The following USP39 variants were observed in gnomAD, a reference collection of about 807,000 sequenced individuals.
The protein encoded by USP39 is ubiquitin carboxyl-terminal hydrolase 39.
Under a neutral mutation model 66.4 loss-of-function variants are expected in USP39, and 38 were observed. The ratio of observed to expected loss-of-function variants is 0.57; its 90% confidence interval spans 0.44 to 0.75. USP39 has a LOEUF of 0.75. Among genes scored for constraint, USP39 ranks in the 30% least tolerant of loss-of-function variants. The probability of loss-of-function intolerance (pLI) is 0.00; values close to 1 mark genes in which losing one functional copy is unlikely to be tolerated. For missense variants in USP39, 608 were observed against 714.4 expected, an observed-to-expected ratio of 0.85 and a Z score of 1.70; for synonymous variants, 303 against 274.6, an observed-to-expected ratio of 1.10 and a Z score of -1.02.
intron 9 of USP39, among the ~76,000 whole-genome samples, chr2:85,640,481 G>A (rs1439409757): frequency 6.6e-6 from 1 of 150,868 alleles, no homozygotes; most frequent in Non-Finnish European, 1.5e-5. Flanking sequence ...TAGAGATGCG[G>A]TTTCACCCTG....
rs774725492 is a variant in USP39 at position 85,645,116 on chromosome 2, G to T, written c.1563+33G>T. ...GCTGCTGACCGTCTCATGGCACAGA[G>T]TGGCAAAAACAGGTGTTTCTTTGGC... is the stretch of plus-strand genomic sequence containing the variant. On this transcript the variant is annotated intron_variant, in intron 11 of 12. Transcript: ENST00000323701. 4.3e-6 allele frequency: 7 copies of T among 1,613,264 alleles called. No individual in the cohort carries two copies. In the South Asian group the frequency reaches 7.7e-5, roughly 18 times the overall value.
rs200471635 is a variant in USP39 at position 85,648,023 on chromosome 2, T to G, written c.1650+7T>G. 3 of 1,614,044 alleles carry G rather than the reference T, an allele frequency of 1.9e-6. No individual in the cohort carries two copies. The highest frequency in any genetic ancestry group is 1.7e-5 in the Admixed American group (1 of 60,004). ...GTCAGAGGCTTACATTCAGGTGGGT[T>G]GGCCACAGGCTTAGTGAGCCACAAA... On this transcript the variant is annotated splice_region_variant and intron_variant, in intron 12 of 12. Transcript: ENST00000323701.
chr2:85,621,641 A>C, intron 3 of USP39, 62 bp downstream of exon 3: 1 of 1,193,232 alleles, frequency 8.4e-7, no homozygotes, highest in Non-Finnish European at 1.2e-6. Context: ...TTTTTTTTTA[A>C]AGAAAGTAAG....
chr2:85,629,886 C>T (rs935648052), intron 5 of USP39, among the ~76,000 whole-genome samples: 16 of 151,574 alleles, frequency 1.1e-4, no homozygotes, highest in Admixed American at 6.6e-4. Context: ...TGCTTGAACC[C>T]TGGAGGCAGA....
upstream of USP39, chr2:85,609,410 C>A: frequency 6.2e-7 from 1 of 1,611,360 alleles, no homozygotes; most frequent in Non-Finnish European, 8.5e-7. Flanking sequence ...GACCTTCAGG[C>A]TGCAGCTGTT....
At chr2:85,643,307 G>A (rs906129839) in intron 10 of USP39, among the ~76,000 whole-genome samples, 15 of 151,874 alleles carry the variant, frequency 9.9e-5, no homozygotes, top group African/African-American at 2.2e-4. Flanking sequence ...TGGCTAACAC[G>A]GTGAAACCCC....
chr2:85,611,259 G>T, upstream of USP39: 1 of 1,377,690 alleles, frequency 7.3e-7, no homozygotes, highest in Non-Finnish European at 9.3e-7. Flanking sequence ...AAAATTGACC[G>T]TCATATATTA....
chr2:85,648,866 A>G lies in USP39; in HGVS notation c.*58A>G. The G allele has an allele frequency of 1.2e-6, 2 of 1,601,790 alleles. No individual in the cohort carries two copies. The highest frequency in any genetic ancestry group is 1.7e-6 in the Non-Finnish European group (2 of 1,170,532). On this transcript the variant is annotated 3_prime_UTR_variant, in exon 13 of 13. Coordinates refer to ENST00000323701, the MANE Select transcript of USP39 (RefSeq NM_006590.4). ...GTGGCTGATGATGGTAAATAAGAACACAGAAGCTGTAGCTGAACACAGGCT... is the reference window on the plus strand; with the variant it reads ...GTGGCTGATGATGGTAAATAAGAACGCAGAAGCTGTAGCTGAACACAGGCT...
chr2:85,648,099 A>G lies in USP39; in HGVS notation c.1650+83A>G. The G allele has an allele frequency of 2.7e-6, 4 of 1,478,352 alleles. No individual in the cohort carries two copies. The South Asian group carries it at 4.6e-5, about 17-fold the overall frequency. 91.6% of individuals were successfully genotyped at this position (1,478,352 alleles called of 1,614,324 possible). On this transcript the variant is annotated intron_variant, in intron 12 of 12. Coordinates refer to ENST00000323701, the MANE Select transcript of USP39 (RefSeq NM_006590.4). ...GGAGTGGGCCAAGGCAGGAAGAGGGATAGAGTTAGGACCTTGGTTGGAGGG... is the reference window on the plus strand; with the variant it reads ...GGAGTGGGCCAAGGCAGGAAGAGGGGTAGAGTTAGGACCTTGGTTGGAGGG...
Position 85,623,627 on chromosome 2 carries a change from T to C in USP39, c.434-19T>C. 1 of 1,609,178 alleles carries C rather than the reference T, an allele frequency of 6.2e-7. No individual in the cohort carries two copies. Among genetic ancestry groups the C allele is most frequent in the South Asian group, 1.1e-5 (1 of 90,240 alleles). Reference sequence around the variant, plus strand: ...CTAGTATCTGCCCTTCTATTACAGCTTTTCACCCTTCCCTACAGGCCGGGG... The same window carrying C: ...CTAGTATCTGCCCTTCTATTACAGCCTTTCACCCTTCCCTACAGGCCGGGG... On this transcript the variant is annotated intron_variant, in intron 3 of 12. Transcript: ENST00000323701.
At chr2:85,609,528 A>G (rs754586751), upstream of USP39, 3 of 1,614,158 alleles carry the variant, frequency 1.9e-6, no homozygotes, top group East Asian at 6.7e-5. Flanking sequence ...CAGAGCCTCC[A>G]CTACTGCTGC....
intron 10 of USP39, 146 bp from the exon 11 acceptor site, chr2:85,644,802 C>G: frequency 2.0e-6 from 2 of 1,007,062 alleles, no homozygotes; most frequent in Non-Finnish European, 2.8e-6. Context: ...TTCCAACGCA[C>G]CTGGACCTTC....
chr2:85,604,075 T>C (rs982662626), intron 1 of USP39, among the ~76,000 whole-genome samples: 2 of 152,084 alleles, frequency 1.3e-5, no homozygotes, highest in Non-Finnish European at 2.9e-5. Flanking sequence ...GCAACACTGG[T>C]GAGGCAAAGG....
upstream of USP39, chr2:85,611,477 G>A: frequency 6.5e-7 from 1 of 1,548,972 alleles, no homozygotes; most frequent in Non-Finnish European, 8.7e-7. Flanking sequence ...GCTTAACTGG[G>A]GGCTTATGAG....
At chr2:85,616,584 A>G (rs1673983180) in intron 1 of USP39, 121 bp downstream of exon 1, 2 of 1,370,938 alleles carry the variant, frequency 1.5e-6, no homozygotes, top group Non-Finnish European at 9.5e-7. Flanking sequence ...GTTGGGGTGG[A>G]GAAGAGGAGG....
intron 6 of USP39, 103 bp from the exon 7 acceptor site, chr2:85,635,950 C>T: frequency 9.3e-7 from 1 of 1,075,870 alleles, no homozygotes; most frequent in Non-Finnish European, 1.4e-6. Flanking sequence ...GATGGCATGG[C>T]CAGAGAGGAA....
intron 2 of USP39, 105 bp downstream of exon 2, chr2:85,619,394 T>G: frequency 1.7e-6 from 2 of 1,182,614 alleles, no homozygotes; most frequent in South Asian, 2.7e-5. Flanking sequence ...TTACTTTTTT[T>G]GAACCTGTCT....
Position 85,625,563 on chromosome 2 carries a change from A to G in USP39, c.595A>G (p.Lys199Glu). 1 of 1,614,088 alleles carries G rather than the reference A, an allele frequency of 6.2e-7. No homozygotes were observed. Among genetic ancestry groups the G allele is most frequent in the Non-Finnish European group, 8.5e-7 (1 of 1,179,948 alleles). The change falls in exon 5 of 13, where the codon AAG becomes GAG. Residue 199 changes from lysine (K) to glutamate (E), a missense_variant. Physicochemically the swap from Lys to Glu is moderately conservative, Grantham distance 56 (BLOSUM62 1). Transcript: ENST00000323701. ...ITYVLKPTFT[K>E]QQIANLDKQA... is the part of the protein sequence containing the mutation. ...GTATGTGTTGAAGCCCACTTTCACA[A>G]AGCAGCAAATTGCAAACTTGGACAA...
At chr2:85,616,914 TCTCCTGA>T (rs1674024726) in intron 1 of USP39, among the ~76,000 whole-genome samples, 1 of 151,794 alleles carries the variant, frequency 6.6e-6, no homozygotes, top group Non-Finnish European at 1.5e-5. Context: ...ATGGTCTCGA[TCTCCTGA>T]CTTCGTGATC....
Sources: gnomAD v4.1 joint callset for allele counts (sites outside exome capture counted in the v4.1 genomes callset) on GRCh38, gnomAD v4.1.1 for gene constraint, MANE v1.5 for transcripts, NCBI Gene and HGNC (gene_info 2026-07-23, HGNC 2026-07-21) for gene names.